Variants in STAU2 observed in about 807,000 individuals in gnomAD.
STAU2 encodes the protein double-stranded RNA-binding protein Staufen homolog 2.
In STAU2, 20 loss-of-function variants were observed where a neutral mutation model predicts 65.9. That is an observed-to-expected ratio of 0.30 (90% CI 0.21 to 0.44). The LOEUF is 0.44. Among genes scored for constraint, STAU2 ranks in the 20% least tolerant of loss-of-function variants. STAU2 has a pLI of 1.00. For missense variants in STAU2, 558 were observed against 683.9 expected (o/e 0.82, Z 2.05); for synonymous variants, 232 against 233.9 (o/e 0.99, Z 0.07).
intron 3 of STAU2, among the ~76,000 whole-genome samples, chr8:73,715,463 A>AG (rs1554570418): frequency 3.4e-5 from 5 of 148,304 alleles, no homozygotes; most frequent in South Asian, 2.1e-4. Flanking sequence ...AAAAAAAAAA[A>AG]AAAGAAAGAA....
chr8:73,560,085 T>TAC, intron 12 of STAU2, among the ~76,000 whole-genome samples: 1 of 143,634 alleles, frequency 7.0e-6, no homozygotes, highest in Admixed American at 6.9e-5. Context: ...ATTTTTTTTT[T>TAC]TTTTTTTTTT....
chr8:73,605,842 T>TACACACACACACACAC (rs1176899097), intron 9 of STAU2, among the ~76,000 whole-genome samples: 15 of 118,316 alleles, frequency 1.3e-4, no homozygotes, highest in African/African-American at 3.9e-4. Context: ...CACATACACA[T>TACACACACACACACAC]ACACACACAC....
At chr8:73,694,132 G>C (rs1193451860) in intron 4 of STAU2, among the ~76,000 whole-genome samples, 1 of 152,094 alleles carries the variant, frequency 6.6e-6, no homozygotes, top group African/African-American at 2.4e-5. Flanking sequence ...AATAAAGAAA[G>C]CAATTAAGAA....
chr8:73,432,808 C>G (rs1345901285), intron 13 of STAU2, among the ~76,000 whole-genome samples: 1 of 152,112 alleles, frequency 6.6e-6, no homozygotes, highest in Non-Finnish European at 1.5e-5. Flanking sequence ...ACGGCTTACC[C>G]TTGGAACAAA....
At chr8:73,433,131 C>T (rs1407615747) in intron 13 of STAU2, among the ~76,000 whole-genome samples, 1 of 152,098 alleles carries the variant, frequency 6.6e-6, no homozygotes, top group African/African-American at 2.4e-5. Flanking sequence ...GCAGAGTCCT[C>T]GCTACTAGGC....
intron 13 of STAU2, among the ~76,000 whole-genome samples, chr8:73,473,464 G>A (rs1820147224): frequency 6.6e-6 from 1 of 152,170 alleles, no homozygotes; most frequent in Non-Finnish European, 1.5e-5. Context: ...TAGTCACATG[G>A]CCTGAATATG....
At chr8:73,656,042 C>T (rs939948210) in intron 6 of STAU2, among the ~76,000 whole-genome samples, 3 of 152,120 alleles carry the variant, frequency 2.0e-5, no homozygotes, top group Non-Finnish European at 4.4e-5. Flanking sequence ...CTCAGTCTCC[C>T]GAAGTGCTGG....
At chr8:73,692,146 C>G (rs1329209652) in intron 4 of STAU2, among the ~76,000 whole-genome samples, 2 of 151,728 alleles carry the variant, frequency 1.3e-5, no homozygotes, top group Non-Finnish European at 2.9e-5. Context: ...CACACCCAGA[C>G]AGGGCTTGGA....
rs1033522542 is a variant in STAU2, at chr8:73,450,257, A to G, written c.1531-27555T>C. On this transcript the variant is annotated intron_variant, in intron 13 of 14. Transcript: ENST00000524300. ...ATGTTTTAAACACATTTATGACTAG[A>G]GCAAAAACTTACTTTCAAAATATTG... Among the ~76,000 whole-genome samples, 7 of 152,360 alleles carry G rather than the reference A, an allele frequency of 4.6e-5. No homozygotes were observed. The South Asian group carries it at 1.4e-3, about 32-fold the overall frequency.
Position 73,477,812 on chromosome 8 carries a change from T to C in STAU2, c.1531-55110A>G, listed in dbSNP as rs577877848. Among the ~76,000 whole-genome samples, 11 of 152,244 alleles carry C rather than the reference T, an allele frequency of 7.2e-5. No homozygotes were observed. The East Asian group carries it at 2.1e-3, about 29-fold the overall frequency. On this transcript the variant is annotated intron_variant, in intron 13 of 14. Transcript: ENST00000524300. ...ATTGGGTGGGTCTTGCTGCCCTTCT[T>C]TGTGGCAAGTAAGGAATGCCAGAGC...
At chr8:73,675,020 T>C (rs1427561681) in intron 5 of STAU2, among the ~76,000 whole-genome samples, 1 of 151,462 alleles carries the variant, frequency 6.6e-6, no homozygotes, top group East Asian at 1.9e-4. Context: ...ACATGGAACA[T>C]ATTCCAAGAC....
intron 6 of STAU2, among the ~76,000 whole-genome samples, chr8:73,657,372 G>C (rs894420203): frequency 6.6e-6 from 1 of 151,974 alleles, no homozygotes; most frequent in Non-Finnish European, 1.5e-5. Flanking sequence ...CCTTCTACTT[G>C]AAAAATAAAC....
At chr8:73,629,763 T>G (rs1312510475) in intron 6 of STAU2, among the ~76,000 whole-genome samples, 1 of 152,124 alleles carries the variant, frequency 6.6e-6, no homozygotes, top group Non-Finnish European at 1.5e-5. Flanking sequence ...ACTGTCTGAC[T>G]CGAAGCCCAC....
chr8:73,450,116 T>G (rs4442136), intron 13 of STAU2, among the ~76,000 whole-genome samples: 25,757 of 152,168 alleles, frequency 0.17, 3,273 homozygotes, highest in African/African-American at 0.35. Context: ...TTTATGAATT[T>G]AGACATTTTA....
At chr8:73,664,377 T>C (rs1277688563) in intron 6 of STAU2, among the ~76,000 whole-genome samples, 1 of 152,246 alleles carries the variant, frequency 6.6e-6, no homozygotes, top group Non-Finnish European at 1.5e-5. Context: ...GCCTTGTTCC[T>C]GATCTTACAA....
intron 6 of STAU2, among the ~76,000 whole-genome samples, chr8:73,646,407 C>T (rs1396047218): frequency 6.6e-6 from 1 of 152,120 alleles, no homozygotes; most frequent in African/African-American, 2.4e-5. Flanking sequence ...TAATAGAGAA[C>T]CCAGAAACAG....
At chr8:73,429,488 A>C (rs933769959) in intron 13 of STAU2, among the ~76,000 whole-genome samples, 1 of 121,398 alleles carries the variant, frequency 8.2e-6, no homozygotes, top group African/African-American at 3.1e-5. Flanking sequence ...GCTGGAGTGC[A>C]GTGGTGTGAT....
chr8:73,463,254 T>G (rs989716138), intron 13 of STAU2, among the ~76,000 whole-genome samples: 3 of 152,244 alleles, frequency 2.0e-5, no homozygotes, highest in Non-Finnish European at 2.9e-5. Flanking sequence ...CATGGCAACA[T>G]GCATGTGCTG....
At chr8:73,630,777 C>T (rs185471572) in intron 6 of STAU2, among the ~76,000 whole-genome samples, 50 of 152,262 alleles carry the variant, frequency 3.3e-4, no homozygotes, top group East Asian at 2.1e-3. Context: ...AACATAGTAG[C>T]CCCAGGAAAT....
Sources: gnomAD v4.1 joint callset for allele counts (sites outside exome capture counted in the v4.1 genomes callset) on GRCh38, gnomAD v4.1.1 for gene constraint, MANE v1.5 for transcripts, NCBI Gene and HGNC (gene_info 2026-07-23, HGNC 2026-07-21) for gene names.